The following MGAM2 variants were observed in gnomAD, a reference collection of about 807,000 sequenced individuals.
MGAM2 encodes probable maltase-glucoamylase 2.
In MGAM2, 98 loss-of-function variants were observed where a neutral mutation model predicts 96.1. The ratio of observed to expected loss-of-function variants is 1.02; its 90% CI spans 0.87 to 1.21. The LOEUF is 1.21. Among genes scored for constraint, MGAM2 ranks in the 50% most tolerant of loss-of-function variants. The pLI, the probability that MGAM2 is intolerant of heterozygous loss-of-function variation, is 0.00. For synonymous variants in MGAM2, 749 were observed against 414.8 expected, an observed-to-expected ratio of 1.81 and a Z score of -9.79; for missense variants, 2,055 against 1,182.4, an observed-to-expected ratio of 1.74 and a Z score of -10.82.
intron 13 of MGAM2, chr7:142,144,128 C>T (rs1049029152): frequency 3.3e-6 from 1 of 300,494 alleles, no homozygotes; most frequent in African/African-American, 2.1e-5. Flanking sequence ...TTGCTTTCTC[C>T]ATTAACTGGT....
At chr7:142,125,640 A>T in intron 3 of MGAM2, among the ~76,000 whole-genome samples, 1 of 152,312 alleles carries the variant, frequency 6.6e-6, no homozygotes, top group South Asian at 2.1e-4. Flanking sequence ...AAGTATATTT[A>T]AAAAGATTGT....
chr7:142,155,349 A>C (rs1422870321), intron 17 of MGAM2, among the ~76,000 whole-genome samples: 1 of 152,214 alleles, frequency 6.6e-6, no homozygotes, highest in Non-Finnish European at 1.5e-5. Flanking sequence ...TCGTCTACCC[A>C]AAATAGTATT....
At chr7:142,208,035 C>G (rs1215600661) in intron 45 of MGAM2, among the ~76,000 whole-genome samples, 8 of 152,094 alleles carry the variant, frequency 5.3e-5, no homozygotes, top group Non-Finnish European at 2.9e-5. Context: ...TGTGCACAAG[C>G]CGAACATTAT....
intron 45 of MGAM2, chr7:142,208,344 T>G (rs1176522028): frequency 1.6e-5 from 10 of 638,886 alleles, no homozygotes; most frequent in Non-Finnish European, 2.9e-5. Flanking sequence ...TCTCTTGCAT[T>G]TGTAACCTTC....
chr7:142,205,982 G>A (rs975304417), intron 45 of MGAM2, among the ~76,000 whole-genome samples: 1 of 152,020 alleles, frequency 6.6e-6, no homozygotes, highest in African/African-American at 2.4e-5. Context: ...TGAGGCAGGG[G>A]TCTAACTTCT....
intron 37 of MGAM2, among the ~76,000 whole-genome samples, chr7:142,194,411 G>T (rs1288808504): frequency 6.6e-6 from 1 of 151,888 alleles, no homozygotes. Flanking sequence ...TTCTTTTCCT[G>T]CTTTCAGTTG....
intron 13 of MGAM2, 57 bp downstream of exon 13, chr7:142,143,939 A>G (rs1795311579): frequency 1.4e-6 from 1 of 698,760 alleles, no homozygotes; most frequent in Non-Finnish European, 2.6e-6. Flanking sequence ...CCAAATTTTC[A>G]GATGAGTTTT....
chr7:142,171,605 CATATATATATATATATATATATATATAT>C lies in MGAM2; in HGVS notation c.3351+188_3351+215del, dbSNP rs34204853. 1.5e-3 allele frequency among the ~76,000 whole-genome samples: 100 copies of C among 65,000 alleles called. 2 individuals are homozygous for C. Among genetic ancestry groups the C allele is most frequent in the South Asian group, 9.4e-3 (17 of 1,818 alleles). The allele number at this position is 65,000 out of a possible 152,430, so 42.6% of individuals were successfully genotyped here. On this transcript the variant is annotated intron_variant, in intron 28 of 47. Transcript: ENST00000477922. The stretch of plus-strand genomic sequence containing the variant: ...GTCACATTCTTTTGTCCCTAAAAGG[CATATATATATATATATATATATATATAT>C]ATATATATATATATATATATATCCA...
In MGAM2 at chr7:142,187,801, A is replaced by C; in HGVS notation, c.4174A>C (p.Asn1392His). ...FVDGSVRGCS[N>H]EMLNNPPYMP... is the part of the protein sequence containing the mutation. ...GGATGGATCTGTCAGGGGCTGCAGC[A>C]ATGAAATGCTAAATAACCCACCCTA... Residue 1392 changes from asparagine (N) to histidine (H), a missense_variant, in exon 36 of 48, where the codon AAT becomes CAT. Coordinates refer to ENST00000477922, the MANE Select transcript of MGAM2 (RefSeq NM_001293626.2). The C allele has an allele frequency of 1.4e-6, 1 of 702,838 alleles. No individual in the cohort carries two copies. 43.5% of individuals were successfully genotyped at this position (702,838 alleles called of 1,614,324 possible).
rs781506065 is a variant in MGAM2 at position 142,158,243 on chromosome 7, A to G, written c.2079-5A>G. ...CCTGCCTTCACTGTGCTACCTCTTTACTAGGTTCTACCAGGACTCAGCCAC... is the reference window on the plus strand; with the variant it reads ...CCTGCCTTCACTGTGCTACCTCTTTGCTAGGTTCTACCAGGACTCAGCCAC... On this transcript the variant is annotated splice_region_variant and splice_polypyrimidine_tract_variant and intron_variant, in intron 18 of 47. Transcript: ENST00000477922. 1.1e-5 allele frequency: 8 copies of G among 702,910 alleles called. No homozygotes were observed. In the South Asian group the frequency reaches 1.2e-4, roughly 10 times the overall value. The allele number at this position is 702,910 out of a possible 1,614,324, so 43.5% of individuals were successfully genotyped here. A position where few individuals can be genotyped will look rare whatever the true frequency, so the allele number is the denominator to read the frequency against.
chr7:142,177,436 G>T (rs1796412214), intron 32 of MGAM2, among the ~76,000 whole-genome samples: 1 of 152,140 alleles, frequency 6.6e-6, no homozygotes, highest in African/African-American at 2.4e-5. Flanking sequence ...AACCATATCA[G>T]AGTATGACAG....
intron 23 of MGAM2, 73 bp downstream of exon 23, chr7:142,162,077 A>G (rs962440685): frequency 1.6e-6 from 1 of 622,978 alleles, no homozygotes; most frequent in Non-Finnish European, 2.8e-6. Context: ...TTAGTTTAAT[A>G]TAGACACATG....
Position 142,160,211 on chromosome 7 carries a change from G to T in MGAM2, c.2298G>T (p.Gly766=), listed in dbSNP as rs1488510101. Residue 766 remains glycine (G), a synonymous_variant, in exon 21 of 48, where the codon GGG becomes GGT. Coordinates refer to ENST00000477922, the MANE Select transcript of MGAM2 (RefSeq NM_001293626.2). ...ACAAGATAGGACTTCATCTGCGAGG[G>T]GGCTACATATTTCCCACTCAGAAGC... The part of the protein sequence containing the change: ...PGDKIGLHLR[G]GYIFPTQKPN... 1 of 702,402 alleles carries T rather than the reference G, an allele frequency of 1.4e-6. No homozygotes were observed. The highest frequency in any genetic ancestry group is 2.6e-6 in the Non-Finnish European group (1 of 384,696). The allele number at this position is 702,402 out of a possible 1,614,324, so 43.5% of individuals were successfully genotyped here.
intron 12 of MGAM2, 97 bp downstream of exon 12, chr7:142,141,216 T>C (rs1795219512): frequency 1.6e-6 from 1 of 634,330 alleles, no homozygotes; most frequent in Non-Finnish European, 2.8e-6. Flanking sequence ...ATATTGTTAC[T>C]GTTTTCATGG....
At position 142,221,400 on chromosome 7, in the gene MGAM2, C is replaced by T; in HGVS notation, c.6889C>T (p.Pro2297Ser). 5.0e-6 allele frequency: 3 copies of T among 604,516 alleles called. No homozygotes were observed. The highest frequency in any genetic ancestry group is 8.8e-6 in the Non-Finnish European group (3 of 340,542). The allele number at this position is 604,516 out of a possible 1,614,324, so 37.4% of individuals were successfully genotyped here. ...PGMTTYYQTS[P>S]TIPTHTLTSI... Reference sequence around the variant, plus strand: ...CATGACTACTTATTACCAGACTTCTCCTACCATTCCTACCCATACTCTTAC... The same window carrying T: ...CATGACTACTTATTACCAGACTTCTTCTACCATTCCTACCCATACTCTTAC... Residue 2297 changes from proline to serine, a missense_variant, in exon 48 of 48, where the codon CCT becomes TCT. Physicochemically the swap from Pro to Ser is moderately conservative, Grantham distance 74 (BLOSUM62 -1). Transcript: ENST00000477922.
In MGAM2 at chr7:142,186,080, C is replaced by A. The variant is rs562633430; in HGVS notation, c.4079C>A (p.Pro1360His). ...GAGATAGAAGAGCTCTATGCAAACC[C>A]TCGAGAGCCAGAGAAGAGCTTGAAG... Reference protein sequence around the residue: ...KKEIEELYANPREPEKSLKFD... With the variant: ...KKEIEELYANHREPEKSLKFD... Residue 1360 changes from proline to histidine, a missense_variant, in exon 35 of 48, where the codon CCT (proline) becomes CAT (histidine). Coordinates refer to ENST00000477922, the MANE Select transcript of MGAM2 (RefSeq NM_001293626.2). The A allele has an allele frequency of 1.4e-6, 1 of 705,998 alleles. No homozygotes were observed. The highest frequency in any genetic ancestry group is 2.6e-6 in the Non-Finnish European group (1 of 385,110). The allele number at this position is 705,998 out of a possible 1,614,324, so 43.7% of individuals were successfully genotyped here. A position where few individuals can be genotyped will look rare whatever the true frequency, so the allele number is the denominator to read the frequency against.
At chr7:142,166,054 C>T in intron 24 of MGAM2, 44 bp from the exon 25 acceptor site, 1 of 632,242 alleles carries the variant, frequency 1.6e-6, no homozygotes, top group Non-Finnish European at 2.9e-6. Context: ...TTCTGGGTGG[C>T]TTTCCCTCCC....
In MGAM2 at chr7:142,138,523, C is replaced by T. The variant is rs1212857637; in HGVS notation, c.961-19C>T. On this transcript the variant is annotated intron_variant, in intron 9 of 47. Transcript: ENST00000477922. ...GCTAATGTTATTCTCAAAGCCTACACACTTACTTATCTTTTCAGCTTGTTG... is the reference window on the plus strand; with the variant it reads ...GCTAATGTTATTCTCAAAGCCTACATACTTACTTATCTTTTCAGCTTGTTG... 1 of 701,714 alleles carries T rather than the reference C, an allele frequency of 1.4e-6. No individual in the cohort carries two copies. The highest frequency in any genetic ancestry group is 2.6e-6 in the Non-Finnish European group (1 of 384,508). 43.5% of individuals were successfully genotyped at this position (701,714 alleles called of 1,614,324 possible). A position where few individuals can be genotyped will look rare whatever the true frequency, so the allele number is the denominator to read the frequency against.
At chr7:142,168,473 T>G (rs1351835553) in intron 26 of MGAM2, among the ~76,000 whole-genome samples, 2 of 152,148 alleles carry the variant, frequency 1.3e-5, no homozygotes, top group Non-Finnish European at 2.9e-5. Context: ...TTTCACCATG[T>G]TGGCCAGGCT....
Sources: allele counts gnomAD v4.1 joint callset (sites outside exome capture counted in the v4.1 genomes callset), GRCh38; gene constraint gnomAD v4.1.1; transcripts MANE v1.5; gene names NCBI Gene and HGNC (gene_info 2026-07-23, HGNC 2026-07-21).